Variants in TOMM70 observed in about 807,000 individuals in gnomAD.
The protein encoded by TOMM70 is mitochondrial import receptor subunit TOM70.
A neutral mutation model predicts 73.6 loss-of-function variants in TOMM70; 13 were observed. The ratio of observed to expected loss-of-function variants is 0.18; its 90% CI spans 0.11 to 0.28. The LOEUF (loss-of-function observed/expected upper bound fraction) is 0.28, where lower values mean the gene tolerates loss of function less well. Ranked by LOEUF, TOMM70 falls within the 10% of genes least tolerant of loss-of-function variation. TOMM70 has a pLI of 1.00. For synonymous variants in TOMM70, 257 were observed against 271.2 expected, an observed-to-expected ratio of 0.95 and a Z score of 0.51; for missense variants, 609 against 747.5, an observed-to-expected ratio of 0.81 and a Z score of 2.16.
chr3:100,399,301 C>G (rs557390298), intron 1 of TOMM70, among the ~76,000 whole-genome samples: 57 of 151,984 alleles, frequency 3.8e-4, no homozygotes, highest in African/African-American at 1.3e-3. Context: ...AAAATTCAAC[C>G]TGAATAGTAT....
chr3:100,381,735 T>C lies in TOMM70; in HGVS notation c.764A>G (p.Gln255Arg), dbSNP rs775692550. 7.8e-5 allele frequency: 125 copies of C among 1,608,090 alleles called. No homozygotes were observed. The highest frequency in any genetic ancestry group is 8.4e-5 in the Admixed American group (5 of 59,494). The change falls in exon 5 of 12, where the codon CAG becomes CGG. Residue 255 changes from glutamine to arginine, a missense_variant. Gln to Arg is a conservative substitution (Grantham distance 43). Transcript: ENST00000284320. ...KNREPLMPSP[Q>R]FIKSYFSSFT... ...AGAACTGAAGTAAGATTTGATAAAC[T>C]GTGGAGATGGCATCAGAGGTTCACG... is the stretch of plus-strand genomic sequence containing the variant.
chr3:100,377,079 C>T lies in TOMM70; in HGVS notation c.1092+626G>A, dbSNP rs1301488336. 2.0e-5 allele frequency among the ~76,000 whole-genome samples: 3 copies of T among 152,198 alleles called. No homozygotes were observed. The East Asian group carries it at 5.8e-4, about 29-fold the overall frequency. The stretch of plus-strand genomic sequence containing the variant: ...GAGAGGCTACAGAGTTCATTTAATG[C>T]AATGAGGAAACAGGTCACAGAGATG... On this transcript the variant is annotated intron_variant, in intron 6 of 11. Transcript: ENST00000284320.
rs746098688 is a variant in TOMM70 at position 100,387,579 on chromosome 3, AAGACACAGACAC to A, written c.325-613_325-602del. ...GGTGCACACCACCACGTCCAGCTAAAAGACACAGACACAGACACAGACACACACACACACACA... is the reference window on the plus strand; with the variant it reads ...GGTGCACACCACCACGTCCAGCTAAAAGACACAGACACACACACACACACA... On this transcript the variant is annotated intron_variant, in intron 1 of 11. Coordinates refer to ENST00000284320, the MANE Select transcript of TOMM70 (RefSeq NM_014820.5). Among the ~76,000 whole-genome samples the A allele has an allele frequency of 1.0e-3, 144 of 140,280 alleles. No homozygotes were observed. In the Middle Eastern group the frequency reaches 0.018, roughly 18 times the overall value. The allele number at this position is 140,280 out of a possible 152,430, so 92.0% of individuals were successfully genotyped here.
chr3:100,391,281 A>C (rs1706758490), intron 1 of TOMM70, among the ~76,000 whole-genome samples: 2 of 151,980 alleles, frequency 1.3e-5, no homozygotes. Flanking sequence ...CTTTTTTTTA[A>C]AGTTAACTAT....
chr3:100,387,571 C>G (rs887063623), intron 1 of TOMM70, among the ~76,000 whole-genome samples: 1 of 148,616 alleles, frequency 6.7e-6, no homozygotes, highest in African/African-American at 2.5e-5. Context: ...ACCACCACGT[C>G]CAGCTAAAAG....
chr3:100,395,420 T>C (rs1177153758), intron 1 of TOMM70, among the ~76,000 whole-genome samples: 1 of 148,628 alleles, frequency 6.7e-6, no homozygotes, highest in Non-Finnish European at 1.5e-5. Flanking sequence ...TCACCAGGCA[T>C]GGTGGCGAGC....
intron 11 of TOMM70, 146 bp downstream of exon 11, chr3:100,367,898 T>A: frequency 1.2e-6 from 1 of 848,944 alleles, no homozygotes; most frequent in South Asian, 3.0e-5. Context: ...CTTATGTCAC[T>A]GCCTTAGCAC....
chr3:100,392,530 C>T (rs1469812176), intron 1 of TOMM70, among the ~76,000 whole-genome samples: 1 of 152,104 alleles, frequency 6.6e-6, no homozygotes, highest in Non-Finnish European at 1.5e-5. Flanking sequence ...ATTCTTCTGC[C>T]TCAGCCTCCT....
intron 6 of TOMM70, 32 bp from the exon 7 acceptor site, chr3:100,375,184 T>G (rs1213200671): frequency 6.6e-7 from 1 of 1,511,622 alleles, no homozygotes; most frequent in Admixed American, 2.2e-5. Context: ...AGGTTCATCA[T>G]TACTTTTTTT....
intron 8 of TOMM70, among the ~76,000 whole-genome samples, chr3:100,373,142 TAAAAA>T (rs58081220): frequency 7.4e-6 from 1 of 135,024 alleles, no homozygotes; most frequent in Non-Finnish European, 1.6e-5. Context: ...AATTTTTACT[TAAAAA>T]AAAAAAAAAA....
At chr3:100,384,693 G>A (rs1706670331) in intron 3 of TOMM70, 105 bp from the exon 4 acceptor site, 1 of 655,700 alleles carries the variant, frequency 1.5e-6, no homozygotes, top group Non-Finnish European at 2.4e-6. Context: ...CTAAATTCAT[G>A]GCCAAATGGG....
chr3:100,372,126 A>T (rs1706516659), intron 9 of TOMM70: 1 of 152,380 alleles, frequency 6.6e-6, no homozygotes, highest in Admixed American at 6.5e-5. Context: ...AGACTACAAT[A>T]AAAAAATTCA....
intron 3 of TOMM70, among the ~76,000 whole-genome samples, chr3:100,385,629 G>A (rs1576215839): frequency 1.3e-5 from 2 of 152,150 alleles, no homozygotes; most frequent in East Asian, 3.9e-4. Context: ...CAGAGAAATG[G>A]CCAATCAGAG....
In TOMM70 at chr3:100,400,805, G is replaced by A. The variant is rs1000521171; in HGVS notation, c.145C>T (p.Leu49=). The part of the protein sequence containing the change: ...WQLALAVGAP[L]LLGAGAIYLW... ...TATATGGCACCCGCGCCCAGCAGCA[G>A]GGGTGCCCCGACCGCCAGAGCCAGC... is the stretch of plus-strand genomic sequence containing the variant. Residue 49 remains leucine (L), a synonymous_variant, in exon 1 of 12, where the codon CTG becomes TTG. Transcript: ENST00000284320. The A allele has an allele frequency of 5.2e-6, 8 of 1,533,688 alleles. No homozygotes were observed. The highest frequency in any genetic ancestry group is 2.0e-5 in the Admixed American group (1 of 49,544).
chr3:100,394,069 T>C (rs1199221957), intron 1 of TOMM70, among the ~76,000 whole-genome samples: 1 of 152,224 alleles, frequency 6.6e-6, no homozygotes, highest in Non-Finnish European at 1.5e-5. Context: ...ATTAACCTGA[T>C]GATCACGTAT....
chr3:100,387,754 G>A (rs1014217404), intron 1 of TOMM70, among the ~76,000 whole-genome samples: 1 of 151,518 alleles, frequency 6.6e-6, no homozygotes, highest in African/African-American at 2.4e-5. Flanking sequence ...TCCTGCCTCA[G>A]CCTCCCGAGT....
chr3:100,393,176 CAAA>C (rs534479540), intron 1 of TOMM70, among the ~76,000 whole-genome samples: 3 of 88,232 alleles, frequency 3.4e-5, no homozygotes. Context: ...AACTCTGTCT[CAAA>C]AAAAAAAAAA....
chr3:100,394,934 A>G (rs1344050645), intron 1 of TOMM70, among the ~76,000 whole-genome samples: 2 of 152,236 alleles, frequency 1.3e-5, no homozygotes, highest in African/African-American at 4.8e-5. Flanking sequence ...GGAAATTTTA[A>G]AAATGACAAC....
At chr3:100,377,114 T>G (rs1293114933) in intron 6 of TOMM70, among the ~76,000 whole-genome samples, 1 of 152,176 alleles carries the variant, frequency 6.6e-6, no homozygotes, top group Non-Finnish European at 1.5e-5. Flanking sequence ...GTTAACAAAC[T>G]AATAAGTAAT....
Sources: allele counts gnomAD v4.1 joint callset (sites outside exome capture counted in the v4.1 genomes callset), GRCh38; gene constraint gnomAD v4.1.1; transcripts MANE v1.5; gene names NCBI Gene and HGNC (gene_info 2026-07-23, HGNC 2026-07-21).